LRBA: variants seen among roughly 807,000 people sequenced by gnomAD.
LRBA encodes LPS responsive beige-like anchor protein.
LRBA carries 176 observed loss-of-function variants against 330.0 expected under a neutral mutation model. The ratio of observed to expected loss-of-function variants is 0.53; its 90% confidence interval spans 0.47 to 0.60. The LOEUF (loss-of-function observed/expected upper bound fraction) is 0.60. Among genes scored for constraint, LRBA ranks in the 20% least tolerant of loss-of-function variants. The probability of loss-of-function intolerance (pLI) is 0.00; values close to 1 mark genes in which losing one functional copy is unlikely to be tolerated. For missense variants in LRBA, 3,259 were observed against 3,444.8 expected, an observed-to-expected ratio of 0.95 and a Z score of 1.35; for synonymous variants, 1,230 against 1,193.0, an observed-to-expected ratio of 1.03 and a Z score of -0.64.
At chr4:150,514,433 T>C (rs1353111232) in intron 40 of LRBA, among the ~76,000 whole-genome samples, 1 of 152,094 alleles carries the variant, frequency 6.6e-6, no homozygotes, top group Non-Finnish European at 1.5e-5. Flanking sequence ...TGCCCACCCA[T>C]TGATAATACC....
chr4:150,671,741 GGTAA>G (rs1468106191), intron 37 of LRBA, among the ~76,000 whole-genome samples: 1 of 152,076 alleles, frequency 6.6e-6, no homozygotes, highest in Non-Finnish European at 1.5e-5. Flanking sequence ...CTAAAACCCT[GGTAA>G]GTAAGTTCAT....
intron 40 of LRBA, among the ~76,000 whole-genome samples, chr4:150,573,299 A>C (rs1770103657): frequency 6.6e-6 from 1 of 152,142 alleles, no homozygotes; most frequent in African/African-American, 2.4e-5. Flanking sequence ...GCTACTCATA[A>C]ATTTTCAAGT....
At chr4:150,982,603 A>C (rs1398874299) in intron 2 of LRBA, among the ~76,000 whole-genome samples, 1 of 97,562 alleles carries the variant, frequency 1.0e-5, no homozygotes, top group Non-Finnish European at 1.8e-5. Flanking sequence ...TGTATTTGCC[A>C]AAAAAAAAAA....
At position 150,905,847 on chromosome 4, in the gene LRBA, G is replaced by A. The variant is rs770658064; in HGVS notation, c.1746C>T (p.Thr582=). 1 of 1,612,306 alleles carries A rather than the reference G, an allele frequency of 6.2e-7. No homozygotes were observed. The highest frequency in any genetic ancestry group is 1.7e-5 in the Admixed American group (1 of 59,968). The change falls in exon 13 of 57, where the codon ACC becomes ACT. Residue 582 remains threonine (T), a synonymous_variant. Transcript: ENST00000651943. ...TATAGATATATATTACCTTGGCTGG[G>A]GTATGAATCCATATGGCAGGATTAA... ...VLLNPAIWIH[T]PAKVQLMLYT... is the part of the protein sequence containing the mutation.
rs527242297 is a variant in LRBA at position 150,735,555 on chromosome 4, T to C, written c.5646-189A>G. 3.9e-5 allele frequency among the ~76,000 whole-genome samples: 6 copies of C among 152,310 alleles called. No homozygotes were observed. In the South Asian group the frequency reaches 8.3e-4, roughly 21 times the overall value. On this transcript the variant is annotated intron_variant, in intron 35 of 56. Transcript: ENST00000651943. ...CAGCAAAAGGTTACCCTTCTGGCAA[T>C]AGCAGATTAGCTTCTATCAGACTAG...
intron 40 of LRBA, among the ~76,000 whole-genome samples, chr4:150,498,508 G>A (rs1283970344): frequency 6.6e-6 from 1 of 151,758 alleles, no homozygotes; most frequent in Non-Finnish European, 1.5e-5. Context: ...TTTTTTGAAA[G>A]AAGGCAAGAA....
At chr4:151,005,288 A>G (rs113202407) in intron 2 of LRBA, among the ~76,000 whole-genome samples, 8,820 of 151,856 alleles carry the variant, frequency 0.058, 779 homozygotes, top group African/African-American at 0.2. Context: ...TACTACAAAT[A>G]CAAAAAATTA....
intron 52 of LRBA, among the ~76,000 whole-genome samples, chr4:150,305,226 G>C (rs1283224728): frequency 2.0e-5 from 3 of 152,094 alleles, no homozygotes; most frequent in African/African-American, 4.8e-5. Context: ...TGAGGACAAA[G>C]GGAAAAAATG....
chr4:150,884,382 T>C (rs867743767), intron 17 of LRBA, among the ~76,000 whole-genome samples: 1 of 152,076 alleles, frequency 6.6e-6, no homozygotes, highest in African/African-American at 2.4e-5. Context: ...ATTGAGAAAG[T>C]ACCTATATCC....
intron 37 of LRBA, among the ~76,000 whole-genome samples, chr4:150,662,691 A>T (rs1561489174): frequency 6.6e-6 from 1 of 152,218 alleles, no homozygotes. Context: ...AGGATTTGTG[A>T]GGCCAGTACC....
chr4:150,922,912 T>A (rs2149498196), intron 4 of LRBA, among the ~76,000 whole-genome samples: 1 of 152,258 alleles, frequency 6.6e-6, no homozygotes, highest in East Asian at 1.9e-4. Context: ...CAGGGGAACA[T>A]TTCCAAAGTC....
intron 40 of LRBA, among the ~76,000 whole-genome samples, chr4:150,511,677 A>G (rs1191027851): frequency 6.6e-6 from 1 of 152,236 alleles, no homozygotes; most frequent in Non-Finnish European, 1.5e-5. Flanking sequence ...ATGCTAAGTG[A>G]TTCAATTCAG....
intron 29 of LRBA, among the ~76,000 whole-genome samples, chr4:150,830,931 T>C (rs1382075397): frequency 3.3e-5 from 5 of 151,642 alleles, no homozygotes; most frequent in African/African-American, 9.7e-5. Flanking sequence ...GCCTGGCTAA[T>C]TTTTTGTATT....
In LRBA at chr4:150,852,398, T is replaced by C. The variant is rs751452232; in HGVS notation, c.3312A>G (p.Glu1104=). The change falls in exon 23 of 57, where the codon GAA becomes GAG. Residue 1104 remains glutamate, a synonymous_variant. Coordinates refer to ENST00000651943, the MANE Select transcript of LRBA (RefSeq NM_001364905.1). The part of the protein sequence containing the change: ...PEFLDKSIVE[E]EEDDDYVELK... ...GTTCCACATAATCATCATCTTCCTC[T>C]TCCTCTACTATAGATTTATCCAAGA... is the stretch of plus-strand genomic sequence containing the variant. 6.2e-7 allele frequency: 1 copy of C among 1,613,534 alleles called. No homozygotes were observed. Among genetic ancestry groups the C allele is most frequent in the African/African-American group, 1.3e-5 (1 of 74,926 alleles).
At chr4:150,952,586 T>A (rs933813407) in intron 2 of LRBA, among the ~76,000 whole-genome samples, 9 of 152,132 alleles carry the variant, frequency 5.9e-5, no homozygotes, top group African/African-American at 1.7e-4. Flanking sequence ...TGTCTGTCAA[T>A]GTCTGCCTGA....
intron 38 of LRBA, among the ~76,000 whole-genome samples, chr4:150,592,407 T>C (rs745664153): frequency 6.6e-6 from 1 of 151,890 alleles, no homozygotes; most frequent in Non-Finnish European, 1.5e-5. Flanking sequence ...GAATTCACCA[T>C]GTATACCATT....
At chr4:150,659,770 G>T (rs1314277925) in intron 37 of LRBA, among the ~76,000 whole-genome samples, 5 of 22,636 alleles carry the variant, frequency 2.2e-4, no homozygotes, top group African/African-American at 3.5e-4. Context: ...TCCGGGAGGT[G>T]AGGGGCGCCT....
intron 37 of LRBA, among the ~76,000 whole-genome samples, chr4:150,618,651 A>T (rs1776000621): frequency 6.6e-6 from 1 of 152,094 alleles, no homozygotes; most frequent in African/African-American, 2.4e-5. Context: ...TTCAGTGCTA[A>T]TCTCTTCAAA....
chr4:150,407,882 A>T (rs1384639804), intron 47 of LRBA, among the ~76,000 whole-genome samples: 1 of 152,176 alleles, frequency 6.6e-6, no homozygotes, highest in Non-Finnish European at 1.5e-5. Context: ...CAAAATATCA[A>T]AATTTATGAG....
Sources: allele counts gnomAD v4.1 joint callset (sites outside exome capture counted in the v4.1 genomes callset), GRCh38; gene constraint gnomAD v4.1.1; transcripts MANE v1.5; gene names NCBI Gene and HGNC (gene_info 2026-07-23, HGNC 2026-07-21).